CD226: variants seen among roughly 807,000 people sequenced by gnomAD.
CD226 encodes CD226 antigen.
A neutral mutation model predicts 34.9 loss-of-function variants in CD226; 24 were observed. The observed-to-expected ratio is 0.69, with a 90% CI of 0.50 to 0.97. The LOEUF is 0.97. CD226 is among the 50% of genes least tolerant of loss of function. The pLI, the probability that CD226 is intolerant of heterozygous loss-of-function variation, is 0.00. For synonymous variants in CD226, 148 were observed against 147.4 expected (o/e 1.00, Z -0.03); for missense variants, 397 against 412.7 (o/e 0.96, Z 0.33).
At position 69,864,242 on chromosome 18, in the gene CD226, A is replaced by G. The variant is rs549767892; in HGVS notation, c.*72T>C. 4.7e-6 allele frequency: 7 copies of G among 1,489,126 alleles called. No homozygotes were observed. The highest frequency in any genetic ancestry group is 1.8e-4 in the Middle Eastern group (1 of 5,674). 92.2% of individuals were successfully genotyped at this position (1,489,126 alleles called of 1,614,324 possible). ...ATCTAAGGTAGACCTTGGGTAGTGGAAAAAAATTGCATAAAGATCCATGCA... is the reference window on the plus strand; with the variant it reads ...ATCTAAGGTAGACCTTGGGTAGTGGGAAAAAATTGCATAAAGATCCATGCA... On this transcript the variant is annotated 3_prime_UTR_variant, in exon 6 of 6. Transcript: ENST00000582621.
intron 3 of CD226, among the ~76,000 whole-genome samples, chr18:69,874,950 T>C (rs1400735507): frequency 6.6e-6 from 1 of 152,236 alleles, no homozygotes. Context: ...ATTGTGTCTA[T>C]GTACCACATT....
chr18:69,904,135 T>C (rs1230088345), intron 2 of CD226, among the ~76,000 whole-genome samples: 2 of 150,760 alleles, frequency 1.3e-5, no homozygotes, highest in African/African-American at 4.9e-5. Context: ...GTGGGAAGAG[T>C]GAGTTACAAT....
rs369431004 is a variant in CD226 at position 69,946,842 on chromosome 18, T to A, written c.274A>T (p.Thr92Ser). The change falls in exon 2 of 6, where the codon ACT becomes TCT. Residue 92 changes from threonine (T) to serine (S), a missense_variant. Coordinates refer to ENST00000582621, the MANE Select transcript of CD226 (RefSeq NM_001303618.2). ...TCAGAGGCATTCCGAAAGAAAAGAG[T>A]CATGTTATTGGAAGCCATCGTTGAA... Reference protein sequence around the residue: ...LNSTMASNNMTLFFRNASEDD... With the variant: ...LNSTMASNNMSLFFRNASEDD... 1.6e-5 allele frequency: 26 copies of A among 1,613,240 alleles called. No individual in the cohort carries two copies. The highest frequency in any genetic ancestry group is 1.7e-6 in the Non-Finnish European group (2 of 1,179,874).
chr18:69,927,389 A>AAC (rs1160043164), intron 2 of CD226, among the ~76,000 whole-genome samples: 8 of 65,798 alleles, frequency 1.2e-4, no homozygotes, highest in African/African-American at 3.1e-4. Context: ...CACACACACA[A>AAC]ACACACACAC....
In CD226 at chr18:69,853,667, G is replaced by A. The variant is rs1982536118; in HGVS notation, c.*10647C>T. On this transcript the variant is annotated 3_prime_UTR_variant, in exon 6 of 6. Coordinates refer to ENST00000582621, the MANE Select transcript of CD226 (RefSeq NM_001303618.2). ...TGCTTTAGACTGAGCTCTGTGATGAGTGAGCATCCCCAGCAGTTCATCTTT... is the reference window on the plus strand; with the variant it reads ...TGCTTTAGACTGAGCTCTGTGATGAATGAGCATCCCCAGCAGTTCATCTTT... The A allele has an allele frequency of 6.6e-6, 1 of 152,162 alleles. No homozygotes were observed. The highest frequency in any genetic ancestry group is 2.1e-4 in the South Asian group (1 of 4,830). 9.4% of individuals were successfully genotyped at this position (152,162 alleles called of 1,614,324 possible).
upstream of CD226, among the ~76,000 whole-genome samples, chr18:69,950,672 T>C (rs1452777757): frequency 6.6e-6 from 1 of 151,882 alleles, no homozygotes; most frequent in Non-Finnish European, 1.5e-5. Flanking sequence ...TTGTGGAAGT[T>C]TTTCAATCAT....
chr18:69,880,330 GAGAAAGAAAGAA>G (rs74175399), intron 3 of CD226, among the ~76,000 whole-genome samples: 23 of 134,962 alleles, frequency 1.7e-4, no homozygotes, highest in African/African-American at 5.7e-4. Flanking sequence ...AAAAGAAAGA[GAGAAAGAAAGAA>G]AGAAAGAAAG....
At position 69,854,074 on chromosome 18, in the gene CD226, A is replaced by C. The variant is rs1263436506; in HGVS notation, c.*10240T>G. ...AACATATGTGTTAAAATGTTTATAC[A>C]TGGAGATCGACTTCTGCCTTTAGTG... On this transcript the variant is annotated 3_prime_UTR_variant, in exon 6 of 6. Coordinates refer to ENST00000582621, the MANE Select transcript of CD226 (RefSeq NM_001303618.2). 1.4e-5 allele frequency: 2 copies of C among 144,564 alleles called. No homozygotes were observed. Among genetic ancestry groups the C allele is most frequent in the African/African-American group, 5.1e-5 (2 of 38,920 alleles). The allele number at this position is 144,564 out of a possible 1,614,324, so 9.0% of individuals were successfully genotyped here. A position where few individuals can be genotyped will look rare whatever the true frequency, so the allele number is the denominator to read the frequency against.
At chr18:69,906,387 T>C (rs17842599) in intron 2 of CD226, among the ~76,000 whole-genome samples, 2,197 of 152,314 alleles carry the variant, frequency 0.014, 56 homozygotes, top group African/African-American at 0.051. Flanking sequence ...CCAATTAAAA[T>C]TGCTCTGAAA....
At chr18:69,934,998 A>G (rs1025428600) in intron 2 of CD226, among the ~76,000 whole-genome samples, 4 of 152,200 alleles carry the variant, frequency 2.6e-5, no homozygotes, top group African/African-American at 4.8e-5. Flanking sequence ...AAAACCAAAC[A>G]AAAACAAAAA....
chr18:69,919,460 T>C (rs571774825), intron 2 of CD226, among the ~76,000 whole-genome samples: 10 of 152,298 alleles, frequency 6.6e-5, no homozygotes, highest in South Asian at 2.1e-4. Flanking sequence ...ATTTTCACCA[T>C]AATATTTAAA....
intron 2 of CD226, among the ~76,000 whole-genome samples, chr18:69,913,164 G>A (rs1000861080): frequency 2.6e-5 from 4 of 152,162 alleles, no homozygotes; most frequent in Non-Finnish European, 5.9e-5. Context: ...AGCAACCACA[G>A]CCATCTTCCC....
intron 2 of CD226, among the ~76,000 whole-genome samples, chr18:69,944,944 A>C (rs1174743589): frequency 6.6e-6 from 1 of 152,260 alleles, no homozygotes; most frequent in Non-Finnish European, 1.5e-5. Flanking sequence ...GAGAAAGGGA[A>C]AACTAAATAT....
intron 3 of CD226, among the ~76,000 whole-genome samples, chr18:69,877,090 C>G (rs1358724453): frequency 6.6e-6 from 1 of 152,048 alleles, no homozygotes; most frequent in Non-Finnish European, 1.5e-5. Flanking sequence ...TCTCGAACTC[C>G]TCACCTAAGG....
chr18:69,873,181 TAACA>T lies in CD226; in HGVS notation c.789_792del (p.Phe263LeufsTer112). ...ATGACAATGATGGTGGTAATTGAGA[TAACA>T]AACAACAACAATAAAACTGTCCCTC... is the stretch of plus-strand genomic sequence containing the variant. On this transcript the variant is annotated frameshift_variant, in exon 4 of 6. Transcript: ENST00000582621. LOFTEE classifies it high-confidence loss of function. The T allele has an allele frequency of 6.2e-7, 1 of 1,610,006 alleles. No individual in the cohort carries two copies. Among genetic ancestry groups the T allele is most frequent in the African/African-American group, 1.3e-5 (1 of 74,864 alleles).
rs1224991960 is a variant in CD226 at position 69,860,098 on chromosome 18, C to A, written c.*4216G>T. ...AAAAAAATAATAATAAAATAAAATA[C>A]AAAGAACATTGCATTGAGATAAAAA... is the stretch of plus-strand genomic sequence containing the variant. On this transcript the variant is annotated 3_prime_UTR_variant, in exon 6 of 6. Coordinates refer to ENST00000582621, the MANE Select transcript of CD226 (RefSeq NM_001303618.2). The A allele has an allele frequency of 6.6e-6, 1 of 152,038 alleles. No individual in the cohort carries two copies. The highest frequency in any genetic ancestry group is 2.4e-5 in the African/African-American group (1 of 41,400). 9.4% of individuals were successfully genotyped at this position (152,038 alleles called of 1,614,324 possible). A position where few individuals can be genotyped will look rare whatever the true frequency, so the allele number is the denominator to read the frequency against.
At chr18:69,889,105 T>C (rs1484395703) in intron 3 of CD226, among the ~76,000 whole-genome samples, 6 of 152,062 alleles carry the variant, frequency 3.9e-5, no homozygotes, top group Admixed American at 3.9e-4. Context: ...AACCACATAA[T>C]AGCCATGATT....
chr18:69,947,274 A>T (rs1201765927), intron 1 of CD226, 87 bp downstream of exon 1: 3 of 970,226 alleles, frequency 3.1e-6, no homozygotes, highest in Non-Finnish European at 4.7e-6. Context: ...AGCCAACTAA[A>T]GAGCACTGTA....
chr18:69,909,230 T>C (rs1248926064), intron 2 of CD226, among the ~76,000 whole-genome samples: 1 of 152,196 alleles, frequency 6.6e-6, no homozygotes, highest in African/African-American at 2.4e-5. Context: ...ACTACATGGA[T>C]GAGAAAACAT....
Sources: gnomAD v4.1 joint callset for allele counts (sites outside exome capture counted in the v4.1 genomes callset) on GRCh38, gnomAD v4.1.1 for gene constraint, MANE v1.5 for transcripts, NCBI Gene and HGNC (gene_info 2026-07-23, HGNC 2026-07-21) for gene names.